RGS6: variants seen among roughly 807,000 people sequenced by gnomAD.
RGS6 encodes the protein regulator of G protein signaling 6, also known as regulator of G-protein signaling 6.
RGS6 carries 30 observed loss-of-function variants against 78.5 expected under a neutral mutation model. That is an observed-to-expected ratio of 0.38 (90% CI 0.29 to 0.52). The LOEUF (loss-of-function observed/expected upper bound fraction) is 0.52. Among genes scored for constraint, RGS6 ranks in the 20% least tolerant of loss-of-function variants. The pLI is 0.85. For synonymous variants in RGS6, 206 were observed against 206.0 expected (o/e 1.00, Z 0.00); for missense variants, 495 against 609.7 (o/e 0.81, Z 1.98).
At chr14:72,089,571 C>T (rs1352985475) in intron 2 of RGS6, among the ~76,000 whole-genome samples, 1 of 152,146 alleles carries the variant, frequency 6.6e-6, no homozygotes, top group Non-Finnish European at 1.5e-5. Flanking sequence ...TGAGAAATCA[C>T]TGTTGAATTT....
intron 2 of RGS6, among the ~76,000 whole-genome samples, chr14:72,046,179 T>C (rs1411736553): frequency 6.6e-6 from 1 of 151,242 alleles, no homozygotes; most frequent in Non-Finnish European, 1.5e-5. Flanking sequence ...TAGGGAGAAA[T>C]GTCCTCCCTG....
chr14:72,544,569 C>A (rs1488375430), intron 17 of RGS6, among the ~76,000 whole-genome samples: 3 of 152,168 alleles, frequency 2.0e-5, no homozygotes, highest in Non-Finnish European at 2.9e-5. Flanking sequence ...TTTAGCTTTG[C>A]CAAGGTGCTC....
At chr14:72,494,232 A>G (rs952218826) in intron 12 of RGS6, among the ~76,000 whole-genome samples, 1 of 152,222 alleles carries the variant, frequency 6.6e-6, no homozygotes, top group Admixed American at 6.5e-5. Context: ...GCTGAACAGC[A>G]AACAATTTTT....
chr14:72,353,507 A>G (rs2079546800), intron 3 of RGS6, among the ~76,000 whole-genome samples: 1 of 152,222 alleles, frequency 6.6e-6, no homozygotes, highest in South Asian at 2.1e-4. Flanking sequence ...ACAGCATTGT[A>G]TACATCACAA....
intron 2 of RGS6, among the ~76,000 whole-genome samples, chr14:72,186,705 CA>C (rs914168276): frequency 4.0e-5 from 6 of 151,568 alleles, no homozygotes; most frequent in East Asian, 3.9e-4. Context: ...ACTTCATCTA[CA>C]TTTTTTTTTT....
intron 1 of RGS6, among the ~76,000 whole-genome samples, chr14:71,933,750 A>G (rs1451042291): frequency 2.6e-5 from 4 of 152,164 alleles, no homozygotes; most frequent in Admixed American, 6.5e-5. Flanking sequence ...GGGATTATCA[A>G]TGCTTGGGAG....
the RGS6 span, among the ~76,000 whole-genome samples, chr14:71,875,541 C>T: frequency 3.3e-5 from 5 of 152,192 alleles, no homozygotes; most frequent in East Asian, 9.6e-4. Context: ...CTCTTTTCTT[C>T]TTTATTAGTC....
intron 2 of RGS6, among the ~76,000 whole-genome samples, chr14:72,270,405 T>C (rs1368115217): frequency 6.6e-6 from 1 of 152,152 alleles, no homozygotes; most frequent in African/African-American, 2.4e-5. Flanking sequence ...TAGGAAAGGA[T>C]GGGAGAAAGG....
chr14:72,294,616 C>T, intron 2 of RGS6, among the ~76,000 whole-genome samples: 1 of 152,124 alleles, frequency 6.6e-6, no homozygotes. Flanking sequence ...ATGGTGGCAT[C>T]TGCTTGGCTT....
the RGS6 span, among the ~76,000 whole-genome samples, chr14:72,608,646 T>A: frequency 6.6e-6 from 1 of 152,156 alleles, no homozygotes; most frequent in Admixed American, 6.5e-5. Flanking sequence ...CTGAGGGGTC[T>A]CCAGAAAAGG....
chr14:72,322,935 C>G (rs2072509091), intron 2 of RGS6, among the ~76,000 whole-genome samples: 1 of 151,992 alleles, frequency 6.6e-6, no homozygotes, highest in Non-Finnish European at 1.5e-5. Flanking sequence ...AACATGGTCC[C>G]AAAGCTACTG....
In RGS6 at chr14:72,562,492, C is replaced by T. The variant is rs1186293243; in HGVS notation, c.*25C>T. ...ACCGTTCCTACCGCAGGTCCAGGGCCTGGGCCCGCGGACCCCACAGGCAGG... is the reference window on the plus strand; with the variant it reads ...ACCGTTCCTACCGCAGGTCCAGGGCTTGGGCCCGCGGACCCCACAGGCAGG... On this transcript the variant is annotated 3_prime_UTR_variant, in exon 18 of 18. Coordinates refer to ENST00000553525, the MANE Select transcript of RGS6 (RefSeq NM_001204424.2). 2.5e-6 allele frequency: 4 copies of T among 1,610,688 alleles called. No homozygotes were observed. Among genetic ancestry groups the T allele is most frequent in the Admixed American group, 1.7e-5 (1 of 59,978 alleles).
chr14:72,471,665 T>TC (rs2096078996), intron 8 of RGS6, among the ~76,000 whole-genome samples: 1 of 152,082 alleles, frequency 6.6e-6, no homozygotes. Flanking sequence ...GCTGTGAACC[T>TC]CCCCCCACAG....
upstream of RGS6, among the ~76,000 whole-genome samples, chr14:71,930,750 A>C (rs552045795): frequency 8.4e-4 from 128 of 152,066 alleles, no homozygotes; most frequent in Middle Eastern, 6.8e-3. Flanking sequence ...TGGGTGGCCA[A>C]GGCGGGTGGA....
At chr14:72,291,298 C>A (rs140041994) in intron 2 of RGS6, among the ~76,000 whole-genome samples, 134 of 152,120 alleles carry the variant, frequency 8.8e-4, no homozygotes, top group African/African-American at 3.2e-3. Flanking sequence ...GCCATCATTT[C>A]AACCAGACTG....
intron 17 of RGS6, chr14:72,540,302 C>G: frequency 1.3e-6 from 2 of 1,496,610 alleles, no homozygotes; most frequent in Middle Eastern, 3.7e-4. Context: ...CAAGCGGCTC[C>G]CTCTGCAGAA....
the RGS6 span, among the ~76,000 whole-genome samples, chr14:71,888,925 G>T: frequency 1.6e-4 from 25 of 152,304 alleles, no homozygotes; most frequent in East Asian, 4.8e-3. Flanking sequence ...AAAAGAGCAT[G>T]AAGTCAGGAG....
At chr14:72,014,965 G>A (rs908958210) in intron 2 of RGS6, among the ~76,000 whole-genome samples, 15 of 152,170 alleles carry the variant, frequency 9.9e-5, no homozygotes, top group African/African-American at 3.6e-4. Flanking sequence ...TCTTGTGTGT[G>A]TCCTTCTAAC....
the RGS6 span, among the ~76,000 whole-genome samples, chr14:71,906,339 C>T: frequency 3.3e-5 from 5 of 152,326 alleles, no homozygotes; most frequent in East Asian, 9.7e-4. Context: ...CTCTGTTCAC[C>T]TCCTGGCTCC....
Sources: gnomAD v4.1 joint callset for allele counts (sites outside exome capture counted in the v4.1 genomes callset) on GRCh38, gnomAD v4.1.1 for gene constraint, MANE v1.5 for transcripts, NCBI Gene and HGNC (gene_info 2026-07-23, HGNC 2026-07-21) for gene names.